Variants in ROR2 observed in about 807,000 individuals in gnomAD.
ROR2 encodes the protein ROR family WNT receptor 2.
In ROR2, 33 loss-of-function variants were observed where a neutral mutation model predicts 74.9. The observed-to-expected ratio is 0.44, with a 90% confidence interval of 0.33 to 0.59. The LOEUF is 0.59. ROR2 is among the 20% of genes least tolerant of loss of function. ROR2 has a pLI of 0.02. For missense variants in ROR2, 1,216 were observed against 1,313.8 expected, an observed-to-expected ratio of 0.93 and a Z score of 1.15; for synonymous variants, 586 against 558.7, an observed-to-expected ratio of 1.05 and a Z score of -0.69.
At chr9:91,826,585 TC>T (rs1410702161) in intron 1 of ROR2, among the ~76,000 whole-genome samples, 2 of 151,914 alleles carry the variant, frequency 1.3e-5, no homozygotes, top group African/African-American at 2.4e-5. Flanking sequence ...ATCGAGACCA[TC>T]CTGGCTAACA....
chr9:91,804,741 G>A (rs769075549), intron 1 of ROR2, among the ~76,000 whole-genome samples: 4 of 152,134 alleles, frequency 2.6e-5, no homozygotes, highest in Non-Finnish European at 5.9e-5. Flanking sequence ...CAGAGTGGGG[G>A]GGTGGTCACA....
At chr9:91,761,137 T>C (rs981431872) in intron 2 of ROR2, among the ~76,000 whole-genome samples, 2 of 152,138 alleles carry the variant, frequency 1.3e-5, no homozygotes, top group Admixed American at 1.3e-4. Context: ...GCTGCCTTCC[T>C]TCTAGAGGCT....
chr9:91,838,932 G>A lies in ROR2; in HGVS notation c.98-63114C>T, dbSNP rs1828696066. 2.0e-5 allele frequency among the ~76,000 whole-genome samples: 3 copies of A among 152,152 alleles called. No homozygotes were observed. In the South Asian group the frequency reaches 6.2e-4, roughly 32 times the overall value. On this transcript the variant is annotated intron_variant, in intron 1 of 8. Transcript: ENST00000375708. ...AGCAGAAACTAGAGAGAAGTTCCCG[G>A]TGGACTCTAAGGGAGAATTAGATAA...
At position 91,832,367 on chromosome 9, in the gene ROR2, C is replaced by CAAAAAAA. The variant is rs10677451; in HGVS notation, c.98-56556_98-56550dup. Reference sequence around the variant, plus strand: ...TTGTCAACTTCTGGGGTCACAATGGCAAAAAAAAAAAAAAAAAAAAAAAAA... The same window carrying CAAAAAAA: ...TTGTCAACTTCTGGGGTCACAATGGCAAAAAAAAAAAAAAAAAAAAAAAAAAAAAAAA... On this transcript the variant is annotated intron_variant, in intron 1 of 8. Transcript: ENST00000375708. Among the ~76,000 whole-genome samples the CAAAAAAA allele has an allele frequency of 1.3e-3, 50 of 38,330 alleles. 1 individual carries two copies. Among genetic ancestry groups the CAAAAAAA allele is most frequent in the Non-Finnish European group, 1.9e-3 (40 of 21,364 alleles). 25.1% of individuals were successfully genotyped at this position (38,330 alleles called of 152,430 possible).
At chr9:91,735,998 C>T (rs554595717) in intron 5 of ROR2, among the ~76,000 whole-genome samples, 103 of 152,302 alleles carry the variant, frequency 6.8e-4, no homozygotes, top group Middle Eastern at 6.8e-3. Flanking sequence ...TTCCCTGTAA[C>T]CTATGTCAGT....
At chr9:91,949,731 G>T (rs755093288) in intron 1 of ROR2, 136 bp downstream of exon 1, 34 of 682,332 alleles carry the variant, frequency 5.0e-5, no homozygotes, top group African/African-American at 1.3e-4. Context: ...GGCGAGATGC[G>T]AATGGCCCTG....
intron 1 of ROR2, among the ~76,000 whole-genome samples, chr9:91,877,777 T>C (rs915061222): frequency 2.6e-5 from 4 of 152,230 alleles, no homozygotes; most frequent in African/African-American, 7.2e-5. Flanking sequence ...TTTAGATTTA[T>C]GCTAAAACAG....
At chr9:91,872,947 A>G (rs1455551750) in intron 1 of ROR2, among the ~76,000 whole-genome samples, 1 of 152,248 alleles carries the variant, frequency 6.6e-6, no homozygotes, top group East Asian at 1.9e-4. Context: ...GGCATGACTC[A>G]AACATTTTTA....
At chr9:91,749,519 AT>A (rs993630253) in intron 4 of ROR2, among the ~76,000 whole-genome samples, 4 of 152,186 alleles carry the variant, frequency 2.6e-5, no homozygotes, top group African/African-American at 9.6e-5. Flanking sequence ...CTGTCACCAC[AT>A]GAATTTGGTG....
In ROR2 at chr9:91,894,364, G is replaced by A. The variant is rs574963158; in HGVS notation, c.97+55503C>T. On this transcript the variant is annotated intron_variant, in intron 1 of 8. Transcript: ENST00000375708. ...TGTGTGTCTGCTAACTGATTAACAC[G>A]GATTTTAGATTACCATTGAGGAGAA... is the stretch of plus-strand genomic sequence containing the variant. Among the ~76,000 whole-genome samples, 3 of 152,224 alleles carry A rather than the reference G, an allele frequency of 2.0e-5. No homozygotes were observed. In the East Asian group the frequency reaches 5.8e-4, roughly 29 times the overall value.
chr9:91,794,337 C>T (rs1827100831), intron 1 of ROR2, among the ~76,000 whole-genome samples: 1 of 152,220 alleles, frequency 6.6e-6, no homozygotes, highest in Admixed American at 6.5e-5. Context: ...TTAATTGTCA[C>T]ACTTCACTGG....
intron 1 of ROR2, among the ~76,000 whole-genome samples, chr9:91,860,518 C>T (rs576101445): frequency 2.6e-5 from 4 of 152,266 alleles, no homozygotes; most frequent in Non-Finnish European, 5.9e-5. Context: ...TGGCTCACAG[C>T]GATCATGGAG....
intron 1 of ROR2, among the ~76,000 whole-genome samples, chr9:91,897,772 G>A (rs1220542648): frequency 2.0e-5 from 3 of 152,158 alleles, no homozygotes; most frequent in Non-Finnish European, 2.9e-5. Context: ...AGAAATAAGT[G>A]GGATGTCCAC....
At chr9:91,851,069 C>G (rs939784028) in intron 1 of ROR2, among the ~76,000 whole-genome samples, 4 of 152,232 alleles carry the variant, frequency 2.6e-5, no homozygotes, top group Admixed American at 6.5e-5. Flanking sequence ...TCCATAGATT[C>G]CGGCCGGGCG....
chr9:91,919,802 T>C lies in ROR2; in HGVS notation c.97+30065A>G, dbSNP rs1432222436. 2.0e-5 allele frequency among the ~76,000 whole-genome samples: 3 copies of C among 152,196 alleles called. No individual in the cohort carries two copies. In the East Asian group the frequency reaches 5.8e-4, roughly 29 times the overall value. On this transcript the variant is annotated intron_variant, in intron 1 of 8. Transcript: ENST00000375708. ...CTGGCCGATCTCACACTTTTCCTCC[T>C]GTACCCTTCCTGGGAAGGTTTCCCA...
intron 4 of ROR2, among the ~76,000 whole-genome samples, chr9:91,750,337 T>TA (rs1451381221): frequency 6.6e-6 from 1 of 152,274 alleles, no homozygotes; most frequent in East Asian, 1.9e-4. Flanking sequence ...AAAATACAGT[T>TA]AGTTTTCTGA....
chr9:91,763,639 T>A (rs1825980536), intron 2 of ROR2, among the ~76,000 whole-genome samples: 1 of 152,376 alleles, frequency 6.6e-6, no homozygotes, highest in Admixed American at 6.5e-5. Flanking sequence ...TCTATTCTGA[T>A]GCTTTTTCCA....
At chr9:91,888,916 TTTTTTTTCATGTTTATGGCTCTTCCA>T (rs1041596854) in intron 1 of ROR2, among the ~76,000 whole-genome samples, 3 of 152,138 alleles carry the variant, frequency 2.0e-5, no homozygotes, top group Non-Finnish European at 2.9e-5. Context: ...GTTCTTCCTT[TTTTTTTTCATGTTTATGGCTCTTCCA>T]TTTTTTTCAT....
At chr9:91,921,635 G>A (rs1349570651) in intron 1 of ROR2, among the ~76,000 whole-genome samples, 2 of 152,108 alleles carry the variant, frequency 1.3e-5, no homozygotes, top group East Asian at 1.9e-4. Context: ...AGGCCCAGGC[G>A]GGTGGATTAC....
Sources: gnomAD v4.1 joint callset for allele counts (sites outside exome capture counted in the v4.1 genomes callset) on GRCh38, gnomAD v4.1.1 for gene constraint, MANE v1.5 for transcripts, NCBI Gene and HGNC (gene_info 2026-07-23, HGNC 2026-07-21) for gene names.